Variants in ADK observed in about 807,000 individuals in gnomAD.
The protein encoded by ADK is adenosine kinase.
In ADK, 24 loss-of-function variants were observed where a neutral mutation model predicts 44.7. The observed-to-expected ratio is 0.54, with a 90% CI of 0.39 to 0.76. ADK has a LOEUF of 0.76. Ranked by LOEUF, ADK falls within the 30% of genes least tolerant of loss-of-function variation. The pLI is 0.00. For missense variants in ADK, 321 were observed against 425.1 expected (o/e 0.76, Z 2.15); for synonymous variants, 128 against 142.6 (o/e 0.90, Z 0.73).
intron 6 of ADK, among the ~76,000 whole-genome samples, chr10:74,430,344 T>A (rs1270241246): frequency 6.6e-6 from 1 of 152,218 alleles, no homozygotes; most frequent in Non-Finnish European, 1.5e-5. Flanking sequence ...CAATGATCCT[T>A]CATGTTGCCC....
At chr10:74,698,205 G>A (rs1285033321) in intron 10 of ADK, among the ~76,000 whole-genome samples, 2 of 152,162 alleles carry the variant, frequency 1.3e-5, no homozygotes, top group Admixed American at 6.5e-5. Context: ...AGGTTGATAC[G>A]CCTATGTGTA....
intron 7 of ADK, among the ~76,000 whole-genome samples, chr10:74,557,186 C>T (rs559885362): frequency 1.2e-4 from 19 of 152,060 alleles, no homozygotes; most frequent in East Asian, 1.9e-4. Flanking sequence ...TTGACTGAAA[C>T]GTGTAAGAAG....
At chr10:74,355,702 A>G (rs1285631498) in intron 4 of ADK, among the ~76,000 whole-genome samples, 2 of 151,980 alleles carry the variant, frequency 1.3e-5, no homozygotes, top group Non-Finnish European at 2.9e-5. Context: ...GTTGTTATTT[A>G]TTTCTATTAT....
chr10:74,366,743 A>C lies in ADK; in HGVS notation c.274-27398A>C, dbSNP rs373639121. ...CTAGGAGTTCGAGATTAGCCTGGGC[A>C]ACATGGTGAAACCCCATCTCTATAA... On this transcript the variant is annotated intron_variant, in intron 4 of 10. Coordinates refer to ENST00000539909, the MANE Select transcript of ADK (RefSeq NM_006721.4). 3.3e-5 allele frequency among the ~76,000 whole-genome samples: 5 copies of C among 152,290 alleles called. 1 individual carries two copies. Among genetic ancestry groups the C allele is most frequent in the African/African-American group, 1.2e-4 (5 of 41,562 alleles).
At chr10:74,555,870 T>C (rs565973235) in intron 7 of ADK, among the ~76,000 whole-genome samples, 1 of 152,114 alleles carries the variant, frequency 6.6e-6, no homozygotes, top group African/African-American at 2.4e-5. Context: ...AACAGTAGAC[T>C]CAACCCCTTG....
At chr10:74,264,473 TTTTTC>T (rs1366853920) in intron 3 of ADK, among the ~76,000 whole-genome samples, 1 of 152,196 alleles carries the variant, frequency 6.6e-6, no homozygotes, top group African/African-American at 2.4e-5. Context: ...CTTTACTCAT[TTTTTC>T]TTTTGAGATA....
Position 74,483,380 on chromosome 10 carries a change from C to T in ADK, c.556-41876C>T, listed in dbSNP as rs537120119. Reference sequence around the variant, plus strand: ...GAGCCTGGCCTAGGAAAGCACTCTTCGCTTTTATGACTCTGGGCTGGTGAT... The same window carrying T: ...GAGCCTGGCCTAGGAAAGCACTCTTTGCTTTTATGACTCTGGGCTGGTGAT... On this transcript the variant is annotated intron_variant, in intron 6 of 10. Coordinates refer to ENST00000539909, the MANE Select transcript of ADK (RefSeq NM_006721.4). 1.6e-4 allele frequency among the ~76,000 whole-genome samples: 24 copies of T among 152,266 alleles called. No homozygotes were observed. The East Asian group carries it at 3.3e-3, about 21-fold the overall frequency.
intron 4 of ADK, among the ~76,000 whole-genome samples, chr10:74,380,042 G>T (rs908623402): frequency 2.6e-5 from 4 of 152,032 alleles, no homozygotes; most frequent in Admixed American, 1.3e-4. Context: ...ATAAATAATT[G>T]GTTCCTTCTT....
At chr10:74,434,337 T>C (rs1465906338) in intron 6 of ADK, among the ~76,000 whole-genome samples, 2 of 152,214 alleles carry the variant, frequency 1.3e-5, no homozygotes, top group Admixed American at 1.3e-4. Context: ...AACTATTTGA[T>C]CTTAGTCTGT....
chr10:74,515,746 A>G (rs373089867), intron 6 of ADK, among the ~76,000 whole-genome samples: 7 of 152,102 alleles, frequency 4.6e-5, no homozygotes, highest in African/African-American at 1.7e-4. Context: ...TGCTTAGAGA[A>G]GGGAGCCCAG....
intron 4 of ADK, among the ~76,000 whole-genome samples, chr10:74,391,650 T>TACAC (rs1491120125): frequency 0.016 from 2,114 of 134,612 alleles, 34 homozygotes; most frequent in Middle Eastern, 0.042. Flanking sequence ...GAGGCAAGAA[T>TACAC]ATACACACAC....
intron 10 of ADK, among the ~76,000 whole-genome samples, chr10:74,673,408 G>A (rs923689959): frequency 1.7e-4 from 26 of 152,334 alleles, no homozygotes; most frequent in African/African-American, 6.3e-4. Flanking sequence ...GCAGGAACTA[G>A]CCAGCCACTT....
chr10:74,435,975 A>T (rs1262251128), intron 6 of ADK, among the ~76,000 whole-genome samples: 3 of 152,212 alleles, frequency 2.0e-5, no homozygotes, highest in Non-Finnish European at 1.5e-5. Context: ...CAAAAAACAA[A>T]GAGCATCAAT....
intron 1 of ADK, among the ~76,000 whole-genome samples, chr10:74,172,969 G>C (rs1842211006): frequency 6.6e-6 from 1 of 151,246 alleles, no homozygotes; most frequent in African/African-American, 2.4e-5. Flanking sequence ...CTTTGGTGTG[G>C]CTTCAATTTT....
intron 3 of ADK, among the ~76,000 whole-genome samples, chr10:74,275,094 C>G (rs1258127066): frequency 6.6e-6 from 1 of 151,878 alleles, no homozygotes; most frequent in Non-Finnish European, 1.5e-5. Context: ...CAGATGAAGG[C>G]CCCCTGGGTA....
intron 4 of ADK, among the ~76,000 whole-genome samples, chr10:74,321,505 A>G (rs955514264): frequency 6.6e-6 from 1 of 152,054 alleles, no homozygotes; most frequent in African/African-American, 2.4e-5. Context: ...GCTGGTCTTG[A>G]ACTCCTGGGC....
chr10:74,429,031 A>G (rs1321250038), intron 6 of ADK, among the ~76,000 whole-genome samples: 2 of 152,248 alleles, frequency 1.3e-5, no homozygotes, highest in Non-Finnish European at 2.9e-5. Flanking sequence ...AAAATGAGGT[A>G]AAAATGTGAC....
At chr10:74,682,894 C>A (rs1380700226) in intron 10 of ADK, among the ~76,000 whole-genome samples, 1 of 152,136 alleles carries the variant, frequency 6.6e-6, no homozygotes, top group Non-Finnish European at 1.5e-5. Context: ...TATGCAAATA[C>A]CTGCTAGGTC....
chr10:74,606,987 C>T (rs1321416428), intron 9 of ADK, among the ~76,000 whole-genome samples: 1 of 151,914 alleles, frequency 6.6e-6, no homozygotes, highest in Non-Finnish European at 1.5e-5. Flanking sequence ...TTATGTAATG[C>T]CCTTGTTTGT....
Sources: allele counts gnomAD v4.1 joint callset (sites outside exome capture counted in the v4.1 genomes callset), GRCh38; gene constraint gnomAD v4.1.1; transcripts MANE v1.5; gene names NCBI Gene and HGNC (gene_info 2026-07-23, HGNC 2026-07-21).